The following CYP3A7 variants were observed in gnomAD, a reference collection of about 807,000 sequenced individuals.
CYP3A7 encodes the protein cytochrome P450 family 3 subfamily A member 7, also known as cytochrome P450 3A7.
Under a neutral mutation model 55.2 loss-of-function variants are expected in CYP3A7, and 45 were observed. The ratio of observed to expected loss-of-function variants is 0.82; its 90% CI spans 0.64 to 1.05. The LOEUF is 1.05. Ranked by LOEUF, CYP3A7 falls within the 50% of genes least tolerant of loss-of-function variation. The pLI is 0.00. For missense variants in CYP3A7, 548 were observed against 605.3 expected (o/e 0.91, Z 0.99); for synonymous variants, 180 against 207.4 (o/e 0.87, Z 1.13).
intron 2 of CYP3A7, among the ~76,000 whole-genome samples, chr7:99,729,053 T>G (rs1305991852): frequency 6.6e-6 from 1 of 152,138 alleles, no homozygotes; most frequent in Non-Finnish European, 1.5e-5. Context: ...TAAAAAAGCT[T>G]AAAGATAAAG....
chr7:99,712,715 A>G (rs996591033), intron 9 of CYP3A7, among the ~76,000 whole-genome samples: 1 of 152,196 alleles, frequency 6.6e-6, no homozygotes, highest in African/African-American at 2.4e-5. Context: ...TCTGTATGCC[A>G]AAGTCAGCCT....
intron 2 of CYP3A7, chr7:99,730,454 C>CA (rs999521230): frequency 1.3e-5 from 2 of 153,608 alleles, no homozygotes; most frequent in Non-Finnish European, 2.9e-5. Flanking sequence ...TTCTGTGTCT[C>CA]AAAGTGGCAA....
At chr7:99,722,687 G>T (rs1409527316) in intron 2 of CYP3A7, among the ~76,000 whole-genome samples, 1 of 152,170 alleles carries the variant, frequency 6.6e-6, no homozygotes, top group African/African-American at 2.4e-5. Context: ...ACCTCTAGGG[G>T]CATGTGGAGA....
At chr7:99,713,368 C>T in intron 9 of CYP3A7, 101 bp downstream of exon 9, 1 of 1,558,574 alleles carries the variant, frequency 6.4e-7, no homozygotes, top group Non-Finnish European at 8.8e-7. Context: ...TGCTATGTGG[C>T]AGAAATTCTC....
At chr7:99,715,517 T>C in intron 7 of CYP3A7, 2 of 565,408 alleles carry the variant, frequency 3.5e-6, no homozygotes, top group South Asian at 4.0e-5. Flanking sequence ...GAAAGTTGAC[T>C]AGTGGTTATA....
At position 99,732,305 on chromosome 7, in the gene CYP3A7, C is replaced by T. The variant is rs537431203; in HGVS notation, c.72-1153G>A. Among the ~76,000 whole-genome samples, 5 of 152,270 alleles carry T rather than the reference C, an allele frequency of 3.3e-5. No homozygotes were observed. The East Asian group carries it at 5.8e-4, about 18-fold the overall frequency. On this transcript the variant is annotated intron_variant, in intron 1 of 12. Transcript: ENST00000336374. Reference sequence around the variant, plus strand: ...TGTAAATTTCCTGAGGGCACCCTAGCGGCAGAAGTCGCTATGCTTCCTGTA... The same window carrying T: ...TGTAAATTTCCTGAGGGCACCCTAGTGGCAGAAGTCGCTATGCTTCCTGTA...
At chr7:99,725,043 AG>A (rs1333716245) in intron 2 of CYP3A7, among the ~76,000 whole-genome samples, 1 of 152,144 alleles carries the variant, frequency 6.6e-6, no homozygotes, top group Non-Finnish European at 1.5e-5. Context: ...TGGCAGTACA[AG>A]ATGGACTCCC....
intron 8 of CYP3A7, among the ~76,000 whole-genome samples, chr7:99,714,159 T>C (rs1484249196): frequency 6.6e-6 from 1 of 152,168 alleles, no homozygotes; most frequent in Non-Finnish European, 1.5e-5. Flanking sequence ...TGTAAAATAA[T>C]AGCCTTGTAC....
chr7:99,708,119 C>T, intron 11 of CYP3A7, 145 bp from the exon 12 acceptor site: 5 of 1,127,800 alleles, frequency 4.4e-6, no homozygotes, highest in East Asian at 5.0e-5. Flanking sequence ...TCCTGCTATG[C>T]ATATTTTGCT....
intron 9 of CYP3A7, among the ~76,000 whole-genome samples, chr7:99,712,257 G>A (rs1794279895): frequency 1.3e-5 from 2 of 152,162 alleles, no homozygotes; most frequent in South Asian, 4.1e-4. Flanking sequence ...CAACAGAGCT[G>A]TGATTTACCA....
At chr7:99,732,227 T>G (rs1302696902) in intron 1 of CYP3A7, among the ~76,000 whole-genome samples, 1 of 152,146 alleles carries the variant, frequency 6.6e-6, no homozygotes. Flanking sequence ...CTCTCTTGCT[T>G]CTGCTCCAGT....
intron 1 of CYP3A7, among the ~76,000 whole-genome samples, chr7:99,732,538 A>G (rs542442780): frequency 6.6e-6 from 1 of 152,238 alleles, no homozygotes; most frequent in South Asian, 2.1e-4. Flanking sequence ...TGCTCCCTAT[A>G]GCAGGCCTGC....
At chr7:99,726,189 G>T (rs946604978) in intron 2 of CYP3A7, among the ~76,000 whole-genome samples, 3 of 151,952 alleles carry the variant, frequency 2.0e-5, no homozygotes, top group African/African-American at 7.3e-5. Context: ...CTCCCTCCCT[G>T]GCAACTGATC....
At chr7:99,707,676 A>T (rs1813576012) in intron 12 of CYP3A7, 136 bp downstream of exon 12, 1 of 1,409,788 alleles carries the variant, frequency 7.1e-7, no homozygotes, top group Non-Finnish European at 9.7e-7. Context: ...AAGATCATAG[A>T]TGGGTCCAAA....
At position 99,705,395 on chromosome 7, in the gene CYP3A7, T is replaced by C. The variant is rs906367448; in HGVS notation, c.*105A>G. On this transcript the variant is annotated 3_prime_UTR_variant, in exon 13 of 13. Transcript: ENST00000336374. ...CTGATTATTTATGCAGCACATTGGATGAAGCCCGTCTTCATTTCAGGGTTC... is the reference window on the plus strand; with the variant it reads ...CTGATTATTTATGCAGCACATTGGACGAAGCCCGTCTTCATTTCAGGGTTC... 7.8e-7 allele frequency: 1 copy of C among 1,288,890 alleles called. No homozygotes were observed. The highest frequency in any genetic ancestry group is 1.1e-6 in the Non-Finnish European group (1 of 896,412). 79.8% of individuals were successfully genotyped at this position (1,288,890 alleles called of 1,614,324 possible). A position where few individuals can be genotyped will look rare whatever the true frequency, so the allele number is the denominator to read the frequency against.
chr7:99,709,973 C>T (rs1414877693), intron 10 of CYP3A7, among the ~76,000 whole-genome samples: 2 of 152,078 alleles, frequency 1.3e-5, no homozygotes, highest in Non-Finnish European at 2.9e-5. Flanking sequence ...ATTTCAGTGC[C>T]AGGCAAAGTT....
intron 2 of CYP3A7, among the ~76,000 whole-genome samples, chr7:99,726,674 T>A (rs1814425507): frequency 6.6e-6 from 1 of 152,232 alleles, no homozygotes. Flanking sequence ...AAGCTCTCTC[T>A]CATGATTTAC....
chr7:99,714,298 TA>T (rs547982086), intron 8 of CYP3A7, among the ~76,000 whole-genome samples: 158 of 152,330 alleles, frequency 1.0e-3, no homozygotes, highest in Non-Finnish European at 2.0e-3. Flanking sequence ...TTTATCTGAA[TA>T]ATATTTATGT....
At position 99,709,901 on chromosome 7, in the gene CYP3A7, T is replaced by C. The variant is rs1220136842; in HGVS notation, c.1027-640A>G. Among the ~76,000 whole-genome samples, 5 of 152,148 alleles carry C rather than the reference T, an allele frequency of 3.3e-5. No individual in the cohort carries two copies. In the East Asian group the frequency reaches 7.7e-4, roughly 23 times the overall value. ...CTCTATCAATAATTTGAGGAAAAAC[T>C]AGTCCCTTTCTATCCCAAATATGAC... On this transcript the variant is annotated intron_variant, in intron 10 of 12. Transcript: ENST00000336374.
Sources: gnomAD v4.1 joint callset for allele counts (sites outside exome capture counted in the v4.1 genomes callset) on GRCh38, gnomAD v4.1.1 for gene constraint, MANE v1.5 for transcripts, NCBI Gene and HGNC (gene_info 2026-07-23, HGNC 2026-07-21) for gene names.